RBFOX1: variants seen among roughly 807,000 people sequenced by gnomAD.
RBFOX1 encodes RNA binding protein fox-1 homolog 1.
In RBFOX1, 8 loss-of-function variants were observed where a neutral mutation model predicts 57.7. The observed-to-expected ratio is 0.14, with a 90% CI of 0.08 to 0.25. RBFOX1 has a LOEUF of 0.25. Ranked by LOEUF, RBFOX1 falls within the 10% of genes least tolerant of loss-of-function variation. The pLI is 1.00. For synonymous variants in RBFOX1, 326 were observed against 222.4 expected (o/e 1.47, Z -4.15); for missense variants, 611 against 548.5 (o/e 1.11, Z -1.14).
intron 4 of RBFOX1, among the ~76,000 whole-genome samples, chr16:7,322,464 C>G (rs1024418611): frequency 3.3e-5 from 5 of 152,234 alleles, no homozygotes; most frequent in African/African-American, 9.6e-5. Flanking sequence ...GGGATTTTGA[C>G]TTTGCGCATG....
chr16:6,489,809 A>G (rs1310551393), intron 2 of RBFOX1, among the ~76,000 whole-genome samples: 1 of 152,134 alleles, frequency 6.6e-6, no homozygotes, highest in Admixed American at 6.5e-5. Context: ...TACCATGACC[A>G]CCTCCAACAA....
intron 4 of RBFOX1, among the ~76,000 whole-genome samples, chr16:7,231,095 T>G (rs1199148109): frequency 6.6e-6 from 1 of 152,080 alleles, no homozygotes; most frequent in Non-Finnish European, 1.5e-5. Context: ...TCTCCAGAAT[T>G]CAGGGTAAGA....
At chr16:6,058,208 C>G (rs956991680) in intron 1 of RBFOX1, among the ~76,000 whole-genome samples, 7 of 152,066 alleles carry the variant, frequency 4.6e-5, no homozygotes, top group African/African-American at 1.4e-4. Context: ...AAGTCATTTC[C>G]TATCAGAAAT....
chr16:7,473,281 G>A (rs1050359439), intron 4 of RBFOX1, among the ~76,000 whole-genome samples: 2 of 151,888 alleles, frequency 1.3e-5, no homozygotes, highest in African/African-American at 2.4e-5. Context: ...AGGAGGCTGA[G>A]GCATGAGAAT....
intron 2 of RBFOX1, among the ~76,000 whole-genome samples, chr16:6,495,827 T>C (rs2095754467): frequency 6.6e-6 from 1 of 152,222 alleles, no homozygotes; most frequent in African/African-American, 2.4e-5. Flanking sequence ...TTCCCACCTA[T>C]TGAAGACGTG....
chr16:6,113,118 C>G (rs767876650), intron 1 of RBFOX1, among the ~76,000 whole-genome samples: 1 of 152,116 alleles, frequency 6.6e-6, no homozygotes, highest in African/African-American at 2.4e-5. Flanking sequence ...TGTGGCTAGT[C>G]CGGACTGGAT....
chr16:7,283,194 G>A (rs2095581867), intron 4 of RBFOX1, among the ~76,000 whole-genome samples: 1 of 151,932 alleles, frequency 6.6e-6, no homozygotes, highest in Non-Finnish European at 1.5e-5. Context: ...CCATAGTGGT[G>A]GGTTAAGCAT....
At chr16:7,409,493 A>T (rs562009905) in intron 4 of RBFOX1, among the ~76,000 whole-genome samples, 1 of 152,220 alleles carries the variant, frequency 6.6e-6, no homozygotes, top group African/African-American at 2.4e-5. Flanking sequence ...CCTGAACACA[A>T]TTCTATTAGA....
intron 4 of RBFOX1, among the ~76,000 whole-genome samples, chr16:7,488,978 G>C (rs4787030): frequency 0.9 from 136,747 of 151,962 alleles, 63,312 homozygotes; most frequent in East Asian, 1. Flanking sequence ...CATTATCTAT[G>C]CCTCTAATCT....
intron 3 of RBFOX1, among the ~76,000 whole-genome samples, chr16:6,702,920 C>A (rs542354687): frequency 6.6e-6 from 1 of 152,282 alleles, no homozygotes; most frequent in East Asian, 1.9e-4. Flanking sequence ...ACATTAACTC[C>A]CCATTCTCAT....
intron 3 of RBFOX1, among the ~76,000 whole-genome samples, chr16:5,758,510 G>T (rs1353878587): frequency 3.3e-5 from 5 of 152,112 alleles, no homozygotes; most frequent in African/African-American, 7.2e-5. Flanking sequence ...ATTGCTTGGT[G>T]GTGTCCAAAG....
intron 1 of RBFOX1, among the ~76,000 whole-genome samples, chr16:5,427,891 G>A (rs116734452): frequency 0.015 from 2,319 of 152,230 alleles, 54 homozygotes; most frequent in African/African-American, 0.052. Flanking sequence ...CATCTATCTG[G>A]GCATCGTGGC....
chr16:6,577,920 A>G (rs967241645), intron 2 of RBFOX1, among the ~76,000 whole-genome samples: 2 of 152,208 alleles, frequency 1.3e-5, no homozygotes, highest in Admixed American at 6.5e-5. Flanking sequence ...ATGTCATACA[A>G]ATGAGAAGGC....
chr16:6,478,402 TATATATATATATATATATATATATA>T (rs1474247597), intron 2 of RBFOX1, among the ~76,000 whole-genome samples: 37 of 11,264 alleles, frequency 3.3e-3, no homozygotes, highest in African/African-American at 0.011. Context: ...TATATATATA[TATATATATATATATATATATATATA>T]TATTTTTTTT....
intron 1 of RBFOX1, among the ~76,000 whole-genome samples, chr16:6,062,598 A>C (rs1467814908): frequency 3.9e-5 from 2 of 51,318 alleles, no homozygotes; most frequent in East Asian, 6.1e-4. Context: ...GTATATATGT[A>C]TATATGTTAC....
At chr16:7,646,240 C>T (rs1235874505) in intron 11 of RBFOX1, among the ~76,000 whole-genome samples, 3 of 152,172 alleles carry the variant, frequency 2.0e-5, no homozygotes, top group African/African-American at 7.2e-5. Flanking sequence ...TGCCCTGCCT[C>T]GGAAATTGCT....
At chr16:5,640,451 T>A (rs1221673909) in intron 3 of RBFOX1, among the ~76,000 whole-genome samples, 1 of 151,514 alleles carries the variant, frequency 6.6e-6, no homozygotes, top group Non-Finnish European at 1.5e-5. Flanking sequence ...ACACCATGCA[T>A]ACACAGGCAC....
intron 3 of RBFOX1, among the ~76,000 whole-genome samples, chr16:6,816,757 A>G (rs969767813): frequency 3.3e-5 from 5 of 150,612 alleles, no homozygotes; most frequent in African/African-American, 1.2e-4. Context: ...AAAAAAAGGA[A>G]GAAAAGAAAC....
intron 4 of RBFOX1, among the ~76,000 whole-genome samples, chr16:7,368,608 G>C (rs919821452): frequency 2.0e-4 from 31 of 151,478 alleles, no homozygotes; most frequent in African/African-American, 6.5e-4. Context: ...GAAACCCCCT[G>C]TCTACTAAAA....
Sources: allele counts gnomAD v4.1 joint callset (sites outside exome capture counted in the v4.1 genomes callset), GRCh38; gene constraint gnomAD v4.1.1; transcripts MANE v1.5; gene names NCBI Gene and HGNC (gene_info 2026-07-23, HGNC 2026-07-21).